The following GEN1 variants were observed in gnomAD, a reference collection of about 807,000 sequenced individuals.
The protein encoded by GEN1 is GEN1 structure-specific endonuclease.
Under a neutral mutation model 67.6 loss-of-function variants are expected in GEN1, and 64 were observed. The ratio of observed to expected loss-of-function variants is 0.95; its 90% CI spans 0.77 to 1.17. The LOEUF (loss-of-function observed/expected upper bound fraction) is 1.17, where lower values mean the gene tolerates loss of function less well. GEN1 is among the 50% of genes most tolerant of loss of function. The pLI, the probability that GEN1 is intolerant of heterozygous loss-of-function variation, is 0.00. For synonymous variants in GEN1, 371 were observed against 359.4 expected, an observed-to-expected ratio of 1.03 and a Z score of -0.37; for missense variants, 1,058 against 1,048.3, an observed-to-expected ratio of 1.01 and a Z score of -0.13.
chr2:17,772,791 T>A lies in GEN1; in HGVS notation c.953+7T>A. 4 of 1,599,684 alleles carry A rather than the reference T, an allele frequency of 2.5e-6. No homozygotes were observed. The highest frequency in any genetic ancestry group is 2.6e-6 in the Non-Finnish European group (3 of 1,172,576). ...TAGAGAACAATATTAAGAAGTAAGTTTTTTTAAAAACTCATGATTTTTCCT... is the reference window on the plus strand; with the variant it reads ...TAGAGAACAATATTAAGAAGTAAGTATTTTTAAAAACTCATGATTTTTCCT... On this transcript the variant is annotated splice_region_variant and intron_variant, in intron 8 of 13. Coordinates refer to ENST00000381254, the MANE Select transcript of GEN1 (RefSeq NM_001130009.3).
chr2:17,772,749 T>C lies in GEN1; in HGVS notation c.918T>C (p.Asp306=). Reference sequence around the variant, plus strand: ...GTGAGTGGCACCGTACAGAACATGATAGGCAACTCAGTGAAGTAGAGAACA... The same window carrying C: ...GTGAGTGGCACCGTACAGAACATGACAGGCAACTCAGTGAAGTAGAGAACA... ...CPCEWHRTEH[D]RQLSEVENNI... is the part of the protein sequence containing the mutation. The change falls in exon 8 of 14, where the codon GAT becomes GAC. Residue 306 remains aspartate, a synonymous_variant. Coordinates refer to ENST00000381254, the MANE Select transcript of GEN1 (RefSeq NM_001130009.3). 1.2e-6 allele frequency: 2 copies of C among 1,610,652 alleles called. No individual in the cohort carries two copies. Among genetic ancestry groups the C allele is most frequent in the Non-Finnish European group, 1.7e-6 (2 of 1,178,320 alleles).
rs547767800 is a variant in GEN1, at chr2:17,785,132, T to G, written c.*3193T>G. 1 of 152,308 alleles carries G rather than the reference T, an allele frequency of 6.6e-6. No individual in the cohort carries two copies. The highest frequency in any genetic ancestry group is 1.5e-5 in the Non-Finnish European group (1 of 68,044). 9.4% of individuals were successfully genotyped at this position (152,308 alleles called of 1,614,324 possible). Reference sequence around the variant, plus strand: ...CCTGATGATATAAGGTGGAACAGCTTCATCCCACAGCCATCTCCCCCTCAT... The same window carrying G: ...CCTGATGATATAAGGTGGAACAGCTGCATCCCACAGCCATCTCCCCCTCAT... On this transcript the variant is annotated 3_prime_UTR_variant, in exon 14 of 14. Coordinates refer to ENST00000381254, the MANE Select transcript of GEN1 (RefSeq NM_001130009.3).
intron 11 of GEN1, 96 bp from the exon 12 acceptor site, chr2:17,777,906 G>T: frequency 1.5e-6 from 1 of 674,700 alleles, no homozygotes; most frequent in Non-Finnish European, 2.7e-6. Context: ...GTTTTTACCT[G>T]GGAAAAAAAA....
intron 1 of GEN1, among the ~76,000 whole-genome samples, chr2:17,758,819 G>A (rs13398215): frequency 0.037 from 5,526 of 149,524 alleles, 302 homozygotes; most frequent in African/African-American, 0.12. Flanking sequence ...TCGCCACTGC[G>A]CTCCAGCCAG....
rs764385446 is a variant in GEN1 at position 17,781,291 on chromosome 2, C to T, written c.2079C>T (p.Val693=). ...SYPQDNLQPD[V]NLKTLSILSV... is the part of the protein sequence containing the mutation. ...CTCAGGATAATCTACAACCAGATGT[C>T]AACCTGAAAACTTTGTCCATACTTA... Residue 693 remains valine, a synonymous_variant, in exon 14 of 14, where the codon GTC becomes GTT. Coordinates refer to ENST00000381254, the MANE Select transcript of GEN1 (RefSeq NM_001130009.3). 6.2e-7 allele frequency: 1 copy of T among 1,613,582 alleles called. No individual in the cohort carries two copies. The highest frequency in any genetic ancestry group is 1.3e-5 in the African/African-American group (1 of 74,912).
In GEN1 at chr2:17,787,342, G is replaced by C. The variant is rs1231881380; in HGVS notation, c.*5403G>C. On this transcript the variant is annotated 3_prime_UTR_variant, in exon 14 of 14. Transcript: ENST00000381254. The stretch of plus-strand genomic sequence containing the variant: ...GATAAGACTAAGATCTCTGAGCACA[G>C]GAATCAAGTCTTATTTCTGTTCACT... 1 of 152,142 alleles carries C rather than the reference G, an allele frequency of 6.6e-6. No individual in the cohort carries two copies. The highest frequency in any genetic ancestry group is 1.5e-5 in the Non-Finnish European group (1 of 68,046). 9.4% of individuals were successfully genotyped at this position (152,142 alleles called of 1,614,324 possible). A position where few individuals can be genotyped will look rare whatever the true frequency, so the allele number is the denominator to read the frequency against.
chr2:17,760,886 C>T lies in GEN1; in HGVS notation c.162-510C>T, dbSNP rs529571669. On this transcript the variant is annotated intron_variant, in intron 2 of 13. Coordinates refer to ENST00000381254, the MANE Select transcript of GEN1 (RefSeq NM_001130009.3). ...GCAGTGAGCCGAGATCACACCACTG[C>T]ACTCCAGCCTGGGCAACAGAGTGAG... 2.3e-4 allele frequency among the ~76,000 whole-genome samples: 34 copies of T among 150,804 alleles called. No homozygotes were observed. The Middle Eastern group carries it at 0.01, about 45-fold the overall frequency.
At chr2:17,761,703 G>C (rs567902204) in intron 3 of GEN1, 121 bp downstream of exon 3, 1 of 664,432 alleles carries the variant, frequency 1.5e-6, no homozygotes, top group East Asian at 3.1e-5. Context: ...TGTGCCTAGA[G>C]AAAAGAGTTT....
In GEN1 at chr2:17,781,604, G is replaced by T. The variant is rs778964873; in HGVS notation, c.2392G>T (p.Asp798Tyr). Residue 798 changes from aspartate (D) to tyrosine (Y), a missense_variant, in exon 14 of 14, where the codon GAC becomes TAC. By Grantham distance (160) the Asp-to-Tyr change is radical. Transcript: ENST00000381254. ...KILMKKSVCL[D>Y]RHSSDEQSAP... is the part of the protein sequence containing the mutation. Reference sequence around the variant, plus strand: ...TTTAATGAAGAAGAGTGTTTGCCTTGACAGACATTCCTCTGATGAACAAAG... The same window carrying T: ...TTTAATGAAGAAGAGTGTTTGCCTTTACAGACATTCCTCTGATGAACAAAG... 1 of 1,613,982 alleles carries T rather than the reference G, an allele frequency of 6.2e-7. No homozygotes were observed. Among genetic ancestry groups the T allele is most frequent in the South Asian group, 1.1e-5 (1 of 91,060 alleles).
intron 11 of GEN1, among the ~76,000 whole-genome samples, chr2:17,776,440 A>T (rs1010901428): frequency 6.6e-6 from 1 of 152,210 alleles, no homozygotes; most frequent in African/African-American, 2.4e-5. Context: ...AATACTCTAC[A>T]TAGACAGGCT....
chr2:17,760,276 G>A (rs1279638591), intron 2 of GEN1, among the ~76,000 whole-genome samples, 172 bp downstream of exon 2: 2 of 151,522 alleles, frequency 1.3e-5, no homozygotes, highest in Admixed American at 6.6e-5. Context: ...ACTCACATTC[G>A]TACCTCTTAC....
In GEN1 at chr2:17,783,415, T is replaced by C. The variant is rs1672935064; in HGVS notation, c.*1476T>C. ...TGGAAATACATTCCATGTTCATGAA[T>C]CAGAAGACATAAGATGACCATACTC... On this transcript the variant is annotated 3_prime_UTR_variant, in exon 14 of 14. Coordinates refer to ENST00000381254, the MANE Select transcript of GEN1 (RefSeq NM_001130009.3). 1.3e-5 allele frequency: 2 copies of C among 152,188 alleles called. No individual in the cohort carries two copies. The highest frequency in any genetic ancestry group is 2.9e-5 in the Non-Finnish European group (2 of 68,040). The allele number at this position is 152,188 out of a possible 1,614,324, so 9.4% of individuals were successfully genotyped here. A position where few individuals can be genotyped will look rare whatever the true frequency, so the allele number is the denominator to read the frequency against.
At position 17,778,409 on chromosome 2, in the gene GEN1, CAT is replaced by C. The variant is rs1254276151; in HGVS notation, c.1264+351_1264+352del. Among the ~76,000 whole-genome samples the C allele has an allele frequency of 0.058, 2,177 of 37,216 alleles. 630 individuals carry two copies. In the East Asian group the frequency reaches 0.63, roughly 11 times the overall value. The allele number at this position is 37,216 out of a possible 152,430, so 24.4% of individuals were successfully genotyped here. On this transcript the variant is annotated intron_variant, in intron 12 of 13. Coordinates refer to ENST00000381254, the MANE Select transcript of GEN1 (RefSeq NM_001130009.3). The stretch of plus-strand genomic sequence containing the variant: ...GTGTGTACATATATGTATATACACA[CAT>C]ATATGTGTGTACATATATGTATATA...
chr2:17,762,236 C>G (rs1442656853), intron 3 of GEN1, among the ~76,000 whole-genome samples: 10 of 132,240 alleles, frequency 7.6e-5, no homozygotes, highest in Admixed American at 5.1e-4. Context: ...GAGTCTCGCT[C>G]TGTCACCCAG....
intron 5 of GEN1, among the ~76,000 whole-genome samples, chr2:17,768,420 A>G (rs1672029206): frequency 6.6e-6 from 1 of 152,242 alleles, no homozygotes; most frequent in Admixed American, 6.5e-5. Context: ...AATAATTAAC[A>G]TAGTAAATGA....
Position 17,773,403 on chromosome 2 carries a change from AG to A in GEN1, c.1071+106del, listed in dbSNP as rs1672284992. The A allele has an allele frequency of 4.7e-5, 32 of 681,026 alleles. 1 individual carries two copies. In the South Asian group the frequency reaches 6.2e-4, roughly 13 times the overall value. 42.2% of individuals were successfully genotyped at this position (681,026 alleles called of 1,614,324 possible). A position where few individuals can be genotyped will look rare whatever the true frequency, so the allele number is the denominator to read the frequency against. ...CTTAGAGGAGGTTTAAAATTAAAACAGGCAGCTCTTATATTTTTTCAGCATT... is the reference window on the plus strand; with the variant it reads ...CTTAGAGGAGGTTTAAAATTAAAACAGCAGCTCTTATATTTTTTCAGCATT... On this transcript the variant is annotated intron_variant, in intron 10 of 13. Coordinates refer to ENST00000381254, the MANE Select transcript of GEN1 (RefSeq NM_001130009.3).
chr2:17,775,463 A>G lies in GEN1; in HGVS notation c.1202+1062A>G, dbSNP rs577455674. Among the ~76,000 whole-genome samples the G allele has an allele frequency of 2.0e-5, 3 of 152,354 alleles. No homozygotes were observed. In the South Asian group the frequency reaches 6.2e-4, roughly 32 times the overall value. On this transcript the variant is annotated intron_variant, in intron 11 of 13. Transcript: ENST00000381254. ...AATTTTTGAAGAGATGATGTCTGAG[A>G]GTTTTCCAAAATTTAAGACAGATAG...
rs11893763 is a variant in GEN1 at position 17,769,015 on chromosome 2, T to C, written c.710+204T>C. ...ATGAGAATACATGTTCCAAGCCGTA[T>C]TGCATTTTTTTTTCTTTTTTTGGAG... On this transcript the variant is annotated intron_variant, in intron 6 of 13. Coordinates refer to ENST00000381254, the MANE Select transcript of GEN1 (RefSeq NM_001130009.3). Among the ~76,000 whole-genome samples the C allele has an allele frequency of 0.14, 20,901 of 152,038 alleles. 1,752 individuals carry two copies. Among genetic ancestry groups the C allele is most frequent in the African/African-American group, 0.24 (9,959 of 41,452 alleles).
chr2:17,767,520 T>A (rs1320253622), intron 5 of GEN1, among the ~76,000 whole-genome samples: 1 of 152,178 alleles, frequency 6.6e-6, no homozygotes, highest in African/African-American at 2.4e-5. Flanking sequence ...AGAACTTTTT[T>A]TAAACTGTGA....
Sources: allele counts gnomAD v4.1 joint callset (sites outside exome capture counted in the v4.1 genomes callset), GRCh38; gene constraint gnomAD v4.1.1; transcripts MANE v1.5; gene names NCBI Gene and HGNC (gene_info 2026-07-23, HGNC 2026-07-21).